Variants in CDK15 observed in about 807,000 individuals in gnomAD.
CDK15 encodes cyclin-dependent kinase 15.
A neutral mutation model predicts 60.3 loss-of-function variants in CDK15; 62 were observed. That is an observed-to-expected ratio of 1.03 (90% CI 0.84 to 1.27). The LOEUF is 1.27. Among genes scored for constraint, CDK15 ranks in the 50% most tolerant of loss-of-function variants. The pLI is 0.00. For missense variants in CDK15, 541 were observed against 527.8 expected, an observed-to-expected ratio of 1.03 and a Z score of -0.25; for synonymous variants, 194 against 195.7, an observed-to-expected ratio of 0.99 and a Z score of 0.07.
rs1699297811 is a variant in CDK15 at position 201,882,086 on chromosome 2, A to T, written c.1198+1919A>T. Among the ~76,000 whole-genome samples the T allele has an allele frequency of 6.6e-6, 1 of 152,142 alleles. No homozygotes were observed. Among genetic ancestry groups the T allele is most frequent in the Admixed American group, 6.5e-5 (1 of 15,272 alleles). On this transcript the variant is annotated intron_variant, in intron 12 of 13. Transcript: ENST00000652192. The surrounding 1 kb of genome is among the most constrained non-coding windows in gnomAD (Gnocchi z 4.0). ...CTGTCCAAACTGATGTGTTGTTAGA[A>T]ACTTGGGTTTTGATTTTTCCTGGCT... is the stretch of plus-strand genomic sequence containing the variant.
At chr2:201,878,490 C>G (rs979545522) in intron 11 of CDK15, among the ~76,000 whole-genome samples, 12 of 152,168 alleles carry the variant, frequency 7.9e-5, no homozygotes, top group Non-Finnish European at 1.5e-4. Context: ...TCAAGAAATC[C>G]TTTCCTGACC....
At chr2:201,858,877 G>T (rs1056194666) in intron 10 of CDK15, among the ~76,000 whole-genome samples, 1 of 152,054 alleles carries the variant, frequency 6.6e-6, no homozygotes. Context: ...CAAAGAAGTG[G>T]GTGTTGCTCT....
In CDK15 at chr2:201,806,639, G is replaced by C; in HGVS notation, c.-26G>C. On this transcript the variant is annotated 5_prime_UTR_variant, in exon 1 of 14. Coordinates refer to ENST00000652192, the MANE Select transcript of CDK15 (RefSeq NM_001366386.2). ...GCAGTGGGGGAAAGGTTCAAGTGCG[G>C]GTTTTCTCCTTGAACCTACAAGATT... is the stretch of plus-strand genomic sequence containing the variant. 2 of 1,562,592 alleles carry C rather than the reference G, an allele frequency of 1.3e-6. No homozygotes were observed. Among genetic ancestry groups the C allele is most frequent in the Non-Finnish European group, 1.7e-6 (2 of 1,156,910 alleles).
At chr2:201,839,732 C>T (rs572921815) in intron 8 of CDK15, among the ~76,000 whole-genome samples, 2 of 152,072 alleles carry the variant, frequency 1.3e-5, no homozygotes, top group South Asian at 2.1e-4. Context: ...AAAATATTGG[C>T]GATGGATGAA....
chr2:201,872,306 C>A lies in CDK15; in HGVS notation c.1038C>A (p.Ser346Arg). ...PEWFPLPTPR[S>R]LHVVWNRLGR... is the part of the protein sequence containing the mutation. The stretch of plus-strand genomic sequence containing the variant: ...GGTTCCCACTGCCTACGCCTCGAAG[C>A]CTTCATGTTGTCTGGAACAGGTGAG... Residue 346 changes from serine (S) to arginine (R), a missense_variant, in exon 11 of 14, where the codon AGC becomes AGA. By Grantham distance (110) the Ser-to-Arg change is moderately radical (BLOSUM62 -1). Transcript: ENST00000652192. 1 of 1,614,032 alleles carries A rather than the reference C, an allele frequency of 6.2e-7. No individual in the cohort carries two copies. The highest frequency in any genetic ancestry group is 8.5e-7 in the Non-Finnish European group (1 of 1,179,974).
At position 201,831,970 on chromosome 2, in the gene CDK15, C is replaced by T. The variant is rs915813483; in HGVS notation, c.607-1878C>T. On this transcript the variant is annotated intron_variant, in intron 6 of 13. Coordinates refer to ENST00000652192, the MANE Select transcript of CDK15 (RefSeq NM_001366386.2). ...GCATGCTATCCCAAAGGTTGTATCC[C>T]TCACTGGTCACCAGCTTCCTGTCTT... Among the ~76,000 whole-genome samples the T allele has an allele frequency of 3.3e-5, 5 of 152,216 alleles. No individual in the cohort carries two copies. In the East Asian group the frequency reaches 9.7e-4, roughly 29 times the overall value.
chr2:201,870,785 C>T (rs988510890), intron 10 of CDK15, among the ~76,000 whole-genome samples: 2 of 152,052 alleles, frequency 1.3e-5, no homozygotes, highest in African/African-American at 4.8e-5. Flanking sequence ...GGCAGAAATA[C>T]CATTTTGAAT....
intron 10 of CDK15, chr2:201,860,920 A>T: frequency 7.5e-7 from 1 of 1,324,782 alleles, no homozygotes; most frequent in Non-Finnish European, 9.9e-7. Context: ...CACTGGGATG[A>T]TAAAGAGCTA....
chr2:201,865,943 A>G (rs980092707), intron 10 of CDK15, among the ~76,000 whole-genome samples: 2 of 149,824 alleles, frequency 1.3e-5, no homozygotes, highest in Non-Finnish European at 3.0e-5. Flanking sequence ...TGAGCCAAAT[A>G]CTAGAGAAAC....
At chr2:201,870,215 A>G (rs1384200432) in intron 10 of CDK15, among the ~76,000 whole-genome samples, 1 of 152,208 alleles carries the variant, frequency 6.6e-6, no homozygotes, top group East Asian at 1.9e-4. Flanking sequence ...GTTTGAGAAA[A>G]TGGGCAAAGA....
At chr2:201,865,791 G>A (rs1698599944) in intron 10 of CDK15, among the ~76,000 whole-genome samples, 1 of 150,802 alleles carries the variant, frequency 6.6e-6, no homozygotes, top group South Asian at 2.1e-4. Context: ...TCAGGAGGCT[G>A]AGGCAGGAGA....
At chr2:201,861,547 GTTTGT>G in intron 10 of CDK15, 4 of 902,876 alleles carry the variant, frequency 4.4e-6, no homozygotes, top group Non-Finnish European at 5.2e-6. Context: ...TTTTTTGTTG[GTTTGT>G]TTTTTTTTTT....
chr2:201,859,070 C>CG (rs1240894887), intron 10 of CDK15, among the ~76,000 whole-genome samples: 1 of 152,106 alleles, frequency 6.6e-6, no homozygotes, highest in Non-Finnish European at 1.5e-5. Context: ...ATCAAGCTGG[C>CG]GGGCCGGGGC....
chr2:201,837,184 A>G (rs1346521080), intron 8 of CDK15, among the ~76,000 whole-genome samples: 4 of 151,660 alleles, frequency 2.6e-5, no homozygotes, highest in African/African-American at 9.7e-5. Flanking sequence ...ACACTTCAGG[A>G]GGCTGAAGTA....
Position 201,890,838 on chromosome 2 carries a change from C to G in CDK15, c.1252C>G (p.Leu418Val). The part of the protein sequence containing the change: ...GVRLKPEMCD[L>V]LASYQKGHHP... ...GAGGCTAAAGCCAGAAATGTGTGAC[C>G]TTTTGGCCTCCTACCAGAAAGGTCA... is the stretch of plus-strand genomic sequence containing the variant. The change falls in exon 13 of 14, where the codon CTT becomes GTT. Residue 418 changes from leucine to valine, a missense_variant. By Grantham distance (32) the Leu-to-Val change is conservative (BLOSUM62 1). Transcript: ENST00000652192. 6.2e-7 allele frequency: 1 copy of G among 1,613,674 alleles called. No homozygotes were observed. Among genetic ancestry groups the G allele is most frequent in the Non-Finnish European group, 8.5e-7 (1 of 1,179,784 alleles).
chr2:201,822,868 A>C lies in CDK15; in HGVS notation c.508A>C (p.Thr170Pro). Residue 170 changes from threonine to proline, a missense_variant, in exon 5 of 14, where the codon ACC (threonine) becomes CCC (proline). Physicochemically the swap from Thr to Pro is conservative, Grantham distance 38. Transcript: ENST00000652192. ...TGTGCTCCTGCATGACATAATCCAC[A>C]CCAAAGAGACACTGACATTCGTTTT... ...NIVLLHDIIH[T>P]KETLTFVFEY... is the part of the protein sequence containing the mutation. 6.2e-7 allele frequency: 1 copy of C among 1,612,780 alleles called. No homozygotes were observed. The highest frequency in any genetic ancestry group is 1.3e-5 in the African/African-American group (1 of 75,004).
intron 8 of CDK15, among the ~76,000 whole-genome samples, chr2:201,836,530 G>T (rs1198980463): frequency 7.9e-5 from 12 of 151,792 alleles, no homozygotes; most frequent in Non-Finnish European, 1.5e-5. Flanking sequence ...GGCTGAAGCA[G>T]TTCTCCCACT....
At chr2:201,818,579 T>C (rs1696087971) in intron 4 of CDK15, among the ~76,000 whole-genome samples, 1 of 152,220 alleles carries the variant, frequency 6.6e-6, no homozygotes, top group Non-Finnish European at 1.5e-5. Context: ...TCTGAGGCTG[T>C]AGGCATTTCA....
At chr2:201,811,445 C>T (rs1044765920) in intron 3 of CDK15, among the ~76,000 whole-genome samples, 5 of 152,136 alleles carry the variant, frequency 3.3e-5, no homozygotes, top group East Asian at 1.9e-4. Context: ...CCACTGTGCC[C>T]GGCCTGATGA....
Sources: gnomAD v4.1 joint callset for allele counts (sites outside exome capture counted in the v4.1 genomes callset) on GRCh38, gnomAD v4.1.1 for gene constraint, Gnocchi (gnomAD v3.1) non-coding constraint, MANE v1.5 for transcripts, NCBI Gene and HGNC (gene_info 2026-07-23, HGNC 2026-07-21) for gene names.